The following NOS1 variants were observed in gnomAD, a reference collection of about 807,000 sequenced individuals.
The protein encoded by NOS1 is nitric oxide synthase 1.
A neutral mutation model predicts 164.5 loss-of-function variants in NOS1; 51 were observed. That is an observed-to-expected ratio of 0.31 (90% CI 0.25 to 0.39). The LOEUF (loss-of-function observed/expected upper bound fraction) is 0.39. NOS1 is among the 10% of genes least tolerant of loss of function. The pLI, the probability that NOS1 is intolerant of heterozygous loss-of-function variation, is 1.00. For synonymous variants in NOS1, 719 were observed against 745.8 expected (o/e 0.96, Z 0.59); for missense variants, 1,362 against 1,885.6 (o/e 0.72, Z 5.14).
chr12:117,304,577 T>A (rs955200401), intron 3 of NOS1, among the ~76,000 whole-genome samples: 17 of 152,150 alleles, frequency 1.1e-4, no homozygotes, highest in African/African-American at 4.1e-4. Context: ...GGTTATCAAG[T>A]GAATGGTGAC....
Position 117,272,572 on chromosome 12 carries a change from A to AC in NOS1, c.1665-14dup. ...GAACCACTCAAACCTGCAGGGAGCAACAGGGCCCAGCTCACCCGGAGCAGG... is the reference window on the plus strand; with the variant it reads ...GAACCACTCAAACCTGCAGGGAGCAACCAGGGCCCAGCTCACCCGGAGCAGG... On this transcript the variant is annotated splice_polypyrimidine_tract_variant and intron_variant, in intron 9 of 28. Coordinates refer to ENST00000317775, the MANE Select transcript of NOS1 (RefSeq NM_000620.5). This position sits in a 1 kb window ranked among gnomAD's most constrained non-coding sequence, Gnocchi z 4.3. 1.2e-6 allele frequency: 2 copies of AC among 1,610,510 alleles called. No homozygotes were observed. Among genetic ancestry groups the AC allele is most frequent in the Non-Finnish European group, 1.7e-6 (2 of 1,178,328 alleles).
rs549606124 is a variant in NOS1, at chr12:117,356,594, C to G, written c.-421+4918G>C. 6.6e-6 allele frequency among the ~76,000 whole-genome samples: 1 copy of G among 152,366 alleles called. No individual in the cohort carries two copies. The highest frequency in any genetic ancestry group is 2.1e-4 in the South Asian group (1 of 4,824). On this transcript the variant is annotated intron_variant, in intron 1 of 28. Transcript: ENST00000317775. The surrounding 1 kb of genome is among the most constrained non-coding windows in gnomAD (Gnocchi z 4.2). The stretch of plus-strand genomic sequence containing the variant: ...CTGGGCACCTGCCCTTGGGGTCTAG[C>G]ACTGGCCTTGCCATTTAACACGTGT...
At chr12:117,360,534 A>C (rs1047255167) in intron 1 of NOS1, among the ~76,000 whole-genome samples, 2 of 152,208 alleles carry the variant, frequency 1.3e-5, no homozygotes, top group Non-Finnish European at 2.9e-5. Context: ...CTTACACCCC[A>C]ATCTCGCCCA....
At chr12:117,248,185 CT>C (rs34494717) in intron 17 of NOS1, among the ~76,000 whole-genome samples, 60,194 of 148,570 alleles carry the variant, frequency 0.41, 13,140 homozygotes, top group African/African-American at 0.55. Flanking sequence ...AATTTCTATT[CT>C]TTTTTTTTTT....
chr12:117,208,923 A>G lies in NOS1; in HGVS notation c.*6386T>C. The G allele has an allele frequency of 1.4e-6, 1 of 706,650 alleles. No homozygotes were observed. Among genetic ancestry groups the G allele is most frequent in the Non-Finnish European group, 1.7e-6 (1 of 575,162 alleles). The allele number at this position is 706,650 out of a possible 1,614,324, so 43.8% of individuals were successfully genotyped here. ...TTTTTAGTAGAGACGAGGTTTTGCC[A>G]TGTTAGCCAGGTTGGTCTCTAACTC... On this transcript the variant is annotated 3_prime_UTR_variant, in exon 29 of 29. Coordinates refer to ENST00000317775, the MANE Select transcript of NOS1 (RefSeq NM_000620.5).
At chr12:117,332,296 C>A (rs374138414) in intron 1 of NOS1, among the ~76,000 whole-genome samples, 2 of 152,148 alleles carry the variant, frequency 1.3e-5, no homozygotes, top group African/African-American at 2.4e-5. Flanking sequence ...TTGATCCTCA[C>A]GATAACCCCT....
chr12:117,288,170 G>C lies in NOS1; in HGVS notation c.1031C>G (p.Ser344Cys). 1 of 1,613,746 alleles carries C rather than the reference G, an allele frequency of 6.2e-7. No homozygotes were observed. Among genetic ancestry groups the C allele is most frequent in the Non-Finnish European group, 8.5e-7 (1 of 1,179,740 alleles). ...GTCTTCAGGCCTCCTTGCATGCTGA[G>C]AAGGATGCATGATGGAGCCCATGCA... ...YICMGSIMHPSQHARRPEDVR... is the reference protein window; with the variant it reads ...YICMGSIMHPCQHARRPEDVR... The change falls in exon 5 of 29, where the codon TCT becomes TGT. Residue 344 changes from serine to cysteine, a missense_variant. Physicochemically the swap from Ser to Cys is moderately radical, Grantham distance 112. Transcript: ENST00000317775.
chr12:117,263,781 A>G (rs893870844), intron 13 of NOS1, 108 bp downstream of exon 13: 13 of 786,512 alleles, frequency 1.7e-5, no homozygotes, highest in Non-Finnish European at 2.8e-5. Flanking sequence ...TGAAGAAATC[A>G]TATTCTGTAG....
In NOS1 at chr12:117,208,720, T is replaced by A. The variant is rs1199977642; in HGVS notation, c.*6589A>T. 4 of 994,232 alleles carry A rather than the reference T, an allele frequency of 4.0e-6. No individual in the cohort carries two copies. In the African/African-American group the frequency reaches 6.9e-5, roughly 17 times the overall value. The allele number at this position is 994,232 out of a possible 1,614,324, so 61.6% of individuals were successfully genotyped here. A position where few individuals can be genotyped will look rare whatever the true frequency, so the allele number is the denominator to read the frequency against. ...CAGACTGCCATCCTCTGTTCTGGCA[T>A]GGGAGGGCTTTTTTTTTTTTTTCCA... On this transcript the variant is annotated 3_prime_UTR_variant, in exon 29 of 29. Coordinates refer to ENST00000317775, the MANE Select transcript of NOS1 (RefSeq NM_000620.5).
At position 117,275,058 on chromosome 12, in the gene NOS1, T is replaced by C. The variant is rs188418557; in HGVS notation, c.1665-2499A>G. 1.1e-4 allele frequency among the ~76,000 whole-genome samples: 16 copies of C among 152,226 alleles called. No individual in the cohort carries two copies. The South Asian group carries it at 2.1e-3, about 20-fold the overall frequency. On this transcript the variant is annotated intron_variant, in intron 9 of 28. Transcript: ENST00000317775. ...TTGTTTGTAACTCAAAGGATAAATG[T>C]TTGAGGGGATAAATACCCCATTCTC...
At chr12:117,300,625 G>T (rs1023203033) in intron 3 of NOS1, among the ~76,000 whole-genome samples, 35 of 152,094 alleles carry the variant, frequency 2.3e-4, no homozygotes, top group Non-Finnish European at 3.5e-4. Context: ...TCTTGGTGGG[G>T]GGTCTGCTGG....
At chr12:117,302,361 G>A (rs535482676) in intron 3 of NOS1, among the ~76,000 whole-genome samples, 4 of 152,234 alleles carry the variant, frequency 2.6e-5, no homozygotes, top group South Asian at 2.1e-4. Flanking sequence ...TTGGGAGGCC[G>A]AGGCGGGCGG....
intron 28 of NOS1, among the ~76,000 whole-genome samples, chr12:117,217,257 G>C (rs1397603138): frequency 1.3e-5 from 2 of 152,148 alleles, no homozygotes; most frequent in African/African-American, 4.8e-5. Context: ...CTGAGCGCCA[G>C]ACCTCCACCT....
chr12:117,226,594 A>G (rs1173394533), intron 24 of NOS1, 89 bp downstream of exon 24: 1 of 1,117,744 alleles, frequency 8.9e-7, no homozygotes, highest in Non-Finnish European at 1.4e-6. Context: ...ATCTCTCTAG[A>G]ACCCTTCAGA....
At chr12:117,252,032 G>A (rs999428837) in intron 17 of NOS1, among the ~76,000 whole-genome samples, 25 of 152,238 alleles carry the variant, frequency 1.6e-4, no homozygotes, top group African/African-American at 5.1e-4. Flanking sequence ...TGTGCCCGGC[G>A]TTGGCAAACT....
chr12:117,322,254 CCCT>C (rs1188438822), intron 2 of NOS1, among the ~76,000 whole-genome samples: 1 of 137,822 alleles, frequency 7.3e-6, no homozygotes, highest in South Asian at 2.7e-4. Flanking sequence ...TTCCTTCCCT[CCCT>C]CCTTTCCCTT....
At chr12:117,325,560 A>G (rs1875202882) in intron 2 of NOS1, among the ~76,000 whole-genome samples, 1 of 152,192 alleles carries the variant, frequency 6.6e-6, no homozygotes, top group African/African-American at 2.4e-5. Context: ...GGGACTTCAC[A>G]CATATAAAAG....
intron 1 of NOS1, among the ~76,000 whole-genome samples, chr12:117,352,665 CA>C (rs948256689): frequency 2.0e-5 from 3 of 152,216 alleles, no homozygotes; most frequent in African/African-American, 7.2e-5. Flanking sequence ...CCATGAAAAA[CA>C]GTGACATTCT....
chr12:117,240,620 G>T (rs1870087434), intron 20 of NOS1, among the ~76,000 whole-genome samples: 1 of 152,218 alleles, frequency 6.6e-6, no homozygotes, highest in Non-Finnish European at 1.5e-5. Context: ...AAATGTGTAT[G>T]ATAAGAGTGC....
Sources: allele counts gnomAD v4.1 joint callset (sites outside exome capture counted in the v4.1 genomes callset), GRCh38; gene constraint gnomAD v4.1.1; non-coding constraint Gnocchi (gnomAD v3.1); transcripts MANE v1.5; gene names NCBI Gene and HGNC (gene_info 2026-07-23, HGNC 2026-07-21).